The following CDK19 variants were observed in gnomAD, a reference collection of about 807,000 sequenced individuals.
CDK19 encodes cyclin-dependent kinase 19.
CDK19 carries 20 observed loss-of-function variants against 68.3 expected under a neutral mutation model. The observed-to-expected ratio is 0.29, with a 90% CI of 0.21 to 0.43. CDK19 has a LOEUF of 0.43. CDK19 is among the 20% of genes least tolerant of loss of function. CDK19 has a pLI of 1.00. For synonymous variants in CDK19, 221 were observed against 222.8 expected, an observed-to-expected ratio of 0.99 and a Z score of 0.07; for missense variants, 339 against 623.5, an observed-to-expected ratio of 0.54 and a Z score of 4.86.
intron 2 of CDK19, among the ~76,000 whole-genome samples, chr6:110,686,767 T>C (rs2114551304): frequency 6.6e-6 from 1 of 152,340 alleles, no homozygotes; most frequent in South Asian, 2.1e-4. Flanking sequence ...TAATCTGAAA[T>C]TGACATTTGA....
At chr6:110,806,868 C>G (rs146742425) in intron 1 of CDK19, among the ~76,000 whole-genome samples, 1 of 152,148 alleles carries the variant, frequency 6.6e-6, no homozygotes, top group Non-Finnish European at 1.5e-5. Context: ...GTCCCCGCTA[C>G]TCAGGAGGCT....
chr6:110,772,598 G>A (rs191709811), intron 1 of CDK19, among the ~76,000 whole-genome samples: 1 of 152,298 alleles, frequency 6.6e-6, no homozygotes, highest in African/African-American at 2.4e-5. Flanking sequence ...CTAACTTTAT[G>A]TCTAAGAGTA....
At chr6:110,762,662 T>C (rs907513898) in intron 1 of CDK19, among the ~76,000 whole-genome samples, 9 of 152,198 alleles carry the variant, frequency 5.9e-5, no homozygotes, top group Non-Finnish European at 1.0e-4. Context: ...GCACCTATTA[T>C]AGGTTCATTA....
intron 1 of CDK19, among the ~76,000 whole-genome samples, chr6:110,760,747 C>G (rs149109783): frequency 5.9e-5 from 9 of 152,284 alleles, no homozygotes; most frequent in Non-Finnish European, 1.0e-4. Context: ...AAAACTCTTA[C>G]AATCCCTACA....
intron 2 of CDK19, among the ~76,000 whole-genome samples, chr6:110,680,957 A>G (rs974016965): frequency 9.9e-5 from 15 of 152,264 alleles, no homozygotes; most frequent in African/African-American, 3.6e-4. Context: ...AGATCGTCCC[A>G]CTGCACTCCA....
chr6:110,798,897 C>G (rs1028025678), intron 1 of CDK19, among the ~76,000 whole-genome samples: 3 of 151,738 alleles, frequency 2.0e-5, no homozygotes, highest in African/African-American at 7.3e-5. Context: ...AATCCTAGTA[C>G]TTTGGGAGGC....
At chr6:110,812,837 A>T (rs978200782) in intron 1 of CDK19, among the ~76,000 whole-genome samples, 1 of 151,302 alleles carries the variant, frequency 6.6e-6, no homozygotes, top group Admixed American at 6.6e-5. Context: ...AAAAAAATTT[A>T]ACATGAACCC....
chr6:110,689,534 T>C (rs1164126088), intron 2 of CDK19, among the ~76,000 whole-genome samples: 5 of 152,200 alleles, frequency 3.3e-5, no homozygotes, highest in Admixed American at 6.5e-5. Flanking sequence ...AACATTGACA[T>C]TGTGGCCAGG....
intron 1 of CDK19, among the ~76,000 whole-genome samples, chr6:110,769,702 T>A (rs1196769815): frequency 1.3e-5 from 2 of 152,156 alleles, no homozygotes; most frequent in Admixed American, 6.6e-5. Flanking sequence ...TTAATTTTTT[T>A]AATATTTTCA....
chr6:110,723,142 AAC>A lies in CDK19; in HGVS notation c.204+22982_204+22983del, dbSNP rs1357300465. 8.7e-4 allele frequency among the ~76,000 whole-genome samples: 87 copies of A among 100,570 alleles called. 3 individuals are homozygous for A. Among genetic ancestry groups the A allele is most frequent in the African/African-American group, 2.2e-3 (77 of 34,930 alleles). The allele number at this position is 100,570 out of a possible 152,430, so 66.0% of individuals were successfully genotyped here. On this transcript the variant is annotated intron_variant, in intron 2 of 12. Transcript: ENST00000368911. ...CAGCTTTCAAGGCTTTGTCAAAAAA[AAC>A]AAAAAACAAAAAAAAAAACGCAGAT... is the stretch of plus-strand genomic sequence containing the variant.
intron 4 of CDK19, among the ~76,000 whole-genome samples, chr6:110,665,469 T>A (rs1781866266): frequency 6.6e-6 from 1 of 152,182 alleles, no homozygotes; most frequent in Non-Finnish European, 1.5e-5. Context: ...CTGGGCATAC[T>A]AAATTTTGGT....
At chr6:110,646,403 G>A in intron 4 of CDK19, 3 of 1,484,196 alleles carry the variant, frequency 2.0e-6, no homozygotes, top group Non-Finnish European at 2.7e-6. Flanking sequence ...GGGGCTGCTG[G>A]CGGGCGGCGA....
chr6:110,801,584 T>C (rs549162834), intron 1 of CDK19, among the ~76,000 whole-genome samples: 1 of 152,256 alleles, frequency 6.6e-6, no homozygotes, highest in Admixed American at 6.5e-5. Context: ...TCATCTCGGC[T>C]TACTGCAAGC....
In CDK19 at chr6:110,617,662, T is replaced by TATAC. The variant is rs755618032; in HGVS notation, c.1378-2997_1378-2996insGTAT. Among the ~76,000 whole-genome samples, 1,046 of 107,112 alleles carry TATAC rather than the reference T, an allele frequency of 9.8e-3. 7 individuals are homozygous for TATAC. The highest frequency in any genetic ancestry group is 0.013 in the Admixed American group (119 of 9,370). 70.3% of individuals were successfully genotyped at this position (107,112 alleles called of 152,430 possible). On this transcript the variant is annotated intron_variant, in intron 12 of 12. Transcript: ENST00000368911. Reference sequence around the variant, plus strand: ...AATAATAAAATTATTTATATATATATACACACACACACACACACACACACA... The same window carrying TATAC: ...AATAATAAAATTATTTATATATATATATACACACACACACACACACACACACACA...
At chr6:110,682,745 G>A (rs1211414301) in intron 2 of CDK19, among the ~76,000 whole-genome samples, 1 of 152,188 alleles carries the variant, frequency 6.6e-6, no homozygotes, top group African/African-American at 2.4e-5. Context: ...GGCTGAGTTT[G>A]AATCCTGTCT....
chr6:110,646,155 A>T, intron 4 of CDK19: 12 of 999,446 alleles, frequency 1.2e-5, no homozygotes, highest in Non-Finnish European at 1.6e-5. Context: ...CATGGAGAGC[A>T]CGCAGCGCGC....
intron 1 of CDK19, among the ~76,000 whole-genome samples, chr6:110,784,697 A>G (rs914942669): frequency 3.3e-5 from 5 of 152,154 alleles, no homozygotes; most frequent in Non-Finnish European, 7.3e-5. Flanking sequence ...TATTCATACC[A>G]GCATTAATCA....
intron 1 of CDK19, among the ~76,000 whole-genome samples, chr6:110,791,972 T>TA (rs1156718994): frequency 6.8e-6 from 1 of 147,702 alleles, no homozygotes; most frequent in Non-Finnish European, 1.5e-5. Context: ...AATTTTTTCT[T>TA]AAACTTTTTT....
At chr6:110,683,239 A>T (rs537881811) in intron 2 of CDK19, among the ~76,000 whole-genome samples, 1 of 152,172 alleles carries the variant, frequency 6.6e-6, no homozygotes, top group South Asian at 2.1e-4. Flanking sequence ...CATTTGACAA[A>T]TTATAGCTTT....
Sources: allele counts gnomAD v4.1 joint callset (sites outside exome capture counted in the v4.1 genomes callset), GRCh38; gene constraint gnomAD v4.1.1; transcripts MANE v1.5; gene names NCBI Gene and HGNC (gene_info 2026-07-23, HGNC 2026-07-21).